The following HUWE1 variants were observed in gnomAD, a reference collection of about 807,000 sequenced individuals.
The protein encoded by HUWE1 is E3 ubiquitin-protein ligase HUWE1.
Under a neutral mutation model 299.4 loss-of-function variants are expected in HUWE1, and 18 were observed. That is an observed-to-expected ratio of 0.06 (90% CI 0.04 to 0.09). The LOEUF (loss-of-function observed/expected upper bound fraction) is 0.09, where lower values mean the gene tolerates loss of function less well. HUWE1 is among the 10% of genes least tolerant of loss of function. The probability of loss-of-function intolerance (pLI) is 1.00; values close to 1 mark genes in which losing one functional copy is unlikely to be tolerated. For synonymous variants in HUWE1, 1,317 were observed against 1,286.1 expected (o/e 1.02, Z -0.51); for missense variants, 1,832 against 3,462.3 (o/e 0.53, Z 11.82).
Position 53,603,358 on chromosome X carries a change from A to G in HUWE1, c.2876+10T>C, listed in dbSNP as rs374286574. 1 of 1,204,821 alleles carries G rather than the reference A, an allele frequency of 8.3e-7. No individual in the cohort carries two copies. The highest frequency in any genetic ancestry group is 1.8e-5 in the African/African-American group (1 of 56,895). ...TAACAAAGTAATAAGAGAGAGAGCC[A>G]TTCTCTTACCTGTTTGGGGTACACA... is the stretch of plus-strand genomic sequence containing the variant. On this transcript the variant is annotated intron_variant, in intron 27 of 83. Transcript: ENST00000262854.
rs1341040181 is a variant in HUWE1, at chrX:53,589,477, A to C, written c.4461+70T>G. Reference sequence around the variant, plus strand: ...GAATGAAAATATGCTGATTTTTCAGAAATCAGGTTTTGACACAGGCAGGCA... The same window carrying C: ...GAATGAAAATATGCTGATTTTTCAGCAATCAGGTTTTGACACAGGCAGGCA... On this transcript the variant is annotated intron_variant, in intron 36 of 83. Transcript: ENST00000262854. 1.1e-5 allele frequency: 11 copies of C among 1,033,212 alleles called. No homozygotes were observed. In the African/African-American group the frequency reaches 1.9e-4, roughly 17 times the overall value. 85.1% of individuals were successfully genotyped at this position (1,033,212 alleles called of 1,213,427 possible). A position where few individuals can be genotyped will look rare whatever the true frequency, so the allele number is the denominator to read the frequency against.
intron 43 of HUWE1, among the ~76,000 whole-genome samples, chrX:53,580,487 CACTGTGTTACACGAG>C (rs2063563432): frequency 8.9e-6 from 1 of 112,184 alleles, no homozygotes; most frequent in African/African-American, 3.2e-5. Flanking sequence ...GTCTATTTCG[CACTGTGTTACACGAG>C]ACATACATCC....
intron 75 of HUWE1, among the ~76,000 whole-genome samples, chrX:53,539,320 T>TAAAAAAAAAAAA (rs34154526): frequency 3.8e-5 from 2 of 52,845 alleles, no homozygotes; most frequent in Non-Finnish European, 6.8e-5. Flanking sequence ...ATTTCTGATT[T>TAAAAAAAAAAAA]AAAAAAAAAA....
chrX:53,557,523 G>T, intron 59 of HUWE1, 96 bp from the exon 60 acceptor site: 4 of 668,885 alleles, frequency 6.0e-6, no homozygotes, highest in Non-Finnish European at 9.8e-6. Context: ...GACCATCTAG[G>T]AGTTCAGTGA....
intron 17 of HUWE1, among the ~76,000 whole-genome samples, chrX:53,626,574 G>C (rs1352431191): frequency 9.0e-6 from 1 of 111,210 alleles, no homozygotes; most frequent in Non-Finnish European, 1.9e-5. Flanking sequence ...GCATAAAAAA[G>C]CCTGGAAAGA....
chrX:53,560,016 T>TC (rs1288091915), intron 56 of HUWE1, among the ~76,000 whole-genome samples, 172 bp downstream of exon 56: 7 of 111,839 alleles, frequency 6.3e-5, no homozygotes, highest in African/African-American at 2.3e-4. Context: ...AAGGCTGCAC[T>TC]CCCCAAAAGG....
At chrX:53,595,124 AG>A (rs1411889589) in intron 30 of HUWE1, 62 bp downstream of exon 30, 3 of 973,914 alleles carry the variant, frequency 3.1e-6, no homozygotes, top group Non-Finnish European at 4.4e-6. Context: ...TAAGTAGTAT[AG>A]GAACAACTTA....
intron 3 of HUWE1, among the ~76,000 whole-genome samples, chrX:53,654,624 TA>T (rs1343634802): frequency 3.6e-5 from 4 of 111,269 alleles, no homozygotes; most frequent in Admixed American, 1.9e-4. Context: ...ATCACAAGGC[TA>T]AAAAAAAGAT....
intron 5 of HUWE1, 44 bp downstream of exon 5, chrX:53,648,168 T>C: frequency 1.2e-6 from 1 of 824,423 alleles, no homozygotes; most frequent in Non-Finnish European, 1.8e-6. Flanking sequence ...AAATGATGTA[T>C]TAGTATGGTG....
intron 76 of HUWE1, among the ~76,000 whole-genome samples, 181 bp downstream of exon 76, chrX:53,538,654 C>A (rs781821571): frequency 1.9e-5 from 2 of 107,092 alleles, no homozygotes; most frequent in East Asian, 6.0e-4. Flanking sequence ...ATCCTGAGGC[C>A]AAGGGAAACC....
chrX:53,645,443 A>G lies in HUWE1; in HGVS notation c.372T>C (p.Ala124=), dbSNP rs782563922. Residue 124 remains alanine (A), a synonymous_variant, in exon 7 of 84, where the codon GCT becomes GCC. Transcript: ENST00000262854. ...CCAGCACCACTTGCATATCAGAGGA[A>G]GCCAATAAAGTTGTCAAATGCTAAA... is the stretch of plus-strand genomic sequence containing the variant. ...SSIEHLTTLL[A]SSDMQVVLAV... 2.5e-6 allele frequency: 3 copies of G among 1,210,779 alleles called. No homozygotes were observed. The highest frequency in any genetic ancestry group is 3.4e-6 in the Non-Finnish European group (3 of 895,117).
chrX:53,611,880 A>G (rs2065499875), intron 23 of HUWE1, among the ~76,000 whole-genome samples: 1 of 110,258 alleles, frequency 9.1e-6, no homozygotes, highest in South Asian at 3.8e-4. Context: ...ATAAATAAAT[A>G]AAATAAAATA....
intron 22 of HUWE1, 87 bp downstream of exon 22, chrX:53,615,657 C>G: frequency 1.5e-6 from 1 of 667,774 alleles, no homozygotes; most frequent in South Asian, 2.3e-5. Flanking sequence ...GCCCAAGAAT[C>G]CTAATGACCT....
At chrX:53,559,965 A>G (rs1383916333) in intron 56 of HUWE1, among the ~76,000 whole-genome samples, 1 of 112,674 alleles carries the variant, frequency 8.9e-6, no homozygotes, top group Non-Finnish European at 1.9e-5. Flanking sequence ...TAATTGCTAA[A>G]TACATGCGCA....
chrX:53,640,473 A>C (rs782713549), intron 7 of HUWE1, among the ~76,000 whole-genome samples: 4 of 112,413 alleles, frequency 3.6e-5, no homozygotes, highest in Non-Finnish European at 7.5e-5. Context: ...GGATATTAGT[A>C]TTGGAGGTAC....
Position 53,604,844 on chromosome X carries a change from G to A in HUWE1, c.2497-10C>T. On this transcript the variant is annotated splice_polypyrimidine_tract_variant and intron_variant, in intron 25 of 83. Transcript: ENST00000262854. ...GTTCATGTGACAGTGTCTGAAACAG[G>A]AAGAATAATTAAAGTGTTAATATAC... 1 of 1,197,931 alleles carries A rather than the reference G, an allele frequency of 8.3e-7. No homozygotes were observed. The highest frequency in any genetic ancestry group is 3.0e-5 in the East Asian group (1 of 33,772).
intron 4 of HUWE1, among the ~76,000 whole-genome samples, chrX:53,649,057 C>T (rs782639422): frequency 4.5e-5 from 5 of 111,927 alleles, no homozygotes; most frequent in Non-Finnish European, 9.4e-5. Flanking sequence ...GATTATTACA[C>T]TTGTTCTTTA....
At chrX:53,603,893 TTTCA>T (rs1310837291) in intron 26 of HUWE1, among the ~76,000 whole-genome samples, 1 of 112,398 alleles carries the variant, frequency 8.9e-6, no homozygotes, top group Non-Finnish European at 1.9e-5. Flanking sequence ...TCCTTGAATG[TTTCA>T]TTTTCATTTT....
rs781908804 is a variant in HUWE1, at chrX:53,669,992, G to C, written c.-25+10057C>G. ...GAAAAAAGGAAGGGAAAATAAGATG[G>C]ACTTAGAAAGCAGCCCTTTAATTTG... On this transcript the variant is annotated intron_variant, in intron 3 of 83. Transcript: ENST00000262854. Among the ~76,000 whole-genome samples, 216 of 112,070 alleles carry C rather than the reference G, an allele frequency of 1.9e-3. 6 individuals are homozygous for C. In the South Asian group the frequency reaches 0.079, roughly 41 times the overall value.
Sources: gnomAD v4.1 joint callset for allele counts (sites outside exome capture counted in the v4.1 genomes callset) on GRCh38, gnomAD v4.1.1 for gene constraint, MANE v1.5 for transcripts, NCBI Gene and HGNC (gene_info 2026-07-23, HGNC 2026-07-21) for gene names.